Variants in CELF2 observed in about 807,000 individuals in gnomAD.
CELF2 encodes the protein CUGBP Elav-like family member 2.
CELF2 carries 8 observed loss-of-function variants against 62.6 expected under a neutral mutation model. The ratio of observed to expected loss-of-function variants is 0.13; its 90% confidence interval spans 0.07 to 0.23. CELF2 has a LOEUF of 0.23. Among genes scored for constraint, CELF2 ranks in the 10% least tolerant of loss-of-function variants. The pLI is 1.00. For synonymous variants in CELF2, 258 were observed against 250.0 expected, an observed-to-expected ratio of 1.03 and a Z score of -0.30; for missense variants, 333 against 671.0, an observed-to-expected ratio of 0.50 and a Z score of 5.56.
At chr10:10,861,589 G>A (rs1420142745) in intron 1 of CELF2, among the ~76,000 whole-genome samples, 1 of 152,092 alleles carries the variant, frequency 6.6e-6, no homozygotes, top group African/African-American at 2.4e-5. Context: ...TCCACCAGAG[G>A]AGTTAACTTC....
intron 2 of CELF2, among the ~76,000 whole-genome samples, chr10:11,197,379 A>G (rs763833358): frequency 2.0e-5 from 3 of 152,214 alleles, no homozygotes; most frequent in Non-Finnish European, 2.9e-5. Flanking sequence ...TGGCTTAAGT[A>G]GCATCCAGTT....
chr10:10,942,083 T>G (rs776221364), intron 2 of CELF2, among the ~76,000 whole-genome samples: 1 of 152,194 alleles, frequency 6.6e-6, no homozygotes, highest in Non-Finnish European at 1.5e-5. Flanking sequence ...CAACATAGTT[T>G]TCTGTCTTCA....
At chr10:11,230,327 G>A (rs1291478567) in intron 3 of CELF2, among the ~76,000 whole-genome samples, 1 of 152,092 alleles carries the variant, frequency 6.6e-6, no homozygotes, top group Non-Finnish European at 1.5e-5. Flanking sequence ...CTGAATCCTG[G>A]GTGACATGGA....
the CELF2 span, among the ~76,000 whole-genome samples, chr10:10,504,186 G>A: frequency 6.6e-6 from 1 of 152,012 alleles, no homozygotes; most frequent in African/African-American, 2.4e-5. Context: ...CCTTCCTGAT[G>A]TCCTGATGCT....
At chr10:10,515,580 A>C in the CELF2 span, among the ~76,000 whole-genome samples, 3 of 152,196 alleles carry the variant, frequency 2.0e-5, no homozygotes, top group African/African-American at 7.2e-5. Flanking sequence ...TCAGTGTCCC[A>C]CTGTGACTCA....
chr10:10,944,087 A>G (rs1023100806), intron 2 of CELF2: 2 of 152,564 alleles, frequency 1.3e-5, no homozygotes, highest in Non-Finnish European at 2.9e-5. Context: ...TGTGACTTTG[A>G]GCCTTGTAAG....
chr10:10,632,473 A>G, the CELF2 span, among the ~76,000 whole-genome samples: 3 of 152,234 alleles, frequency 2.0e-5, no homozygotes, highest in South Asian at 4.2e-4. Context: ...AAGCTTCTAC[A>G]TAAAAAAGGA....
At chr10:11,114,578 C>T (rs140352186) in intron 1 of CELF2, among the ~76,000 whole-genome samples, 1 of 152,138 alleles carries the variant, frequency 6.6e-6, no homozygotes, top group Non-Finnish European at 1.5e-5. Context: ...GTTGGAATAT[C>T]AATGCAGTCA....
the CELF2 span, among the ~76,000 whole-genome samples, chr10:10,577,464 T>C: frequency 6.6e-6 from 1 of 151,756 alleles, no homozygotes; most frequent in East Asian, 1.9e-4. Flanking sequence ...TGCCATTAAC[T>C]CATCATTTAG....
chr10:11,132,632 AG>A, intron 1 of CELF2, among the ~76,000 whole-genome samples: 2 of 152,278 alleles, frequency 1.3e-5, no homozygotes, highest in Middle Eastern at 3.4e-3. Flanking sequence ...AGCTCATTCA[AG>A]ACCTAATATC....
intron 5 of CELF2, among the ~76,000 whole-genome samples, chr10:11,261,993 C>T (rs868347440): frequency 1.3e-5 from 2 of 152,148 alleles, no homozygotes; most frequent in Non-Finnish European, 2.9e-5. Flanking sequence ...TTTTCTGCAC[C>T]GTGGCAGTTG....
At chr10:10,706,429 T>C in the CELF2 span, among the ~76,000 whole-genome samples, 1 of 152,184 alleles carries the variant, frequency 6.6e-6, no homozygotes, top group African/African-American at 2.4e-5. Context: ...CTGGCCTGAA[T>C]GTTCCTCCAG....
chr10:11,186,296 CT>C (rs57327671), intron 2 of CELF2, among the ~76,000 whole-genome samples: 14,285 of 115,416 alleles, frequency 0.12, 707 homozygotes, highest in African/African-American at 0.19. Context: ...GGTTTTGTTG[CT>C]TTTTTTTTTT....
At chr10:10,666,405 G>A in the CELF2 span, among the ~76,000 whole-genome samples, 8 of 152,156 alleles carry the variant, frequency 5.3e-5, no homozygotes, top group Non-Finnish European at 8.8e-5. Flanking sequence ...ACTTATTAAT[G>A]ATCTCAAGCA....
At chr10:10,541,469 G>C in the CELF2 span, among the ~76,000 whole-genome samples, 1 of 152,114 alleles carries the variant, frequency 6.6e-6, no homozygotes, top group Admixed American at 6.5e-5. Context: ...AGCCCCAAGG[G>C]CTCTTGGTTC....
chr10:10,610,044 C>G, the CELF2 span, among the ~76,000 whole-genome samples: 1 of 152,206 alleles, frequency 6.6e-6, no homozygotes, highest in Non-Finnish European at 1.5e-5. Context: ...GAAAATTGAT[C>G]TGGAACCTAT....
chr10:11,143,697 A>G (rs1226377570), intron 1 of CELF2, among the ~76,000 whole-genome samples: 1 of 152,230 alleles, frequency 6.6e-6, no homozygotes, highest in Non-Finnish European at 1.5e-5. Flanking sequence ...GCTATTTCAA[A>G]ATGGCTACCA....
At chr10:11,129,676 C>T (rs1056927707) in intron 1 of CELF2, among the ~76,000 whole-genome samples, 4 of 152,058 alleles carry the variant, frequency 2.6e-5, no homozygotes, top group South Asian at 2.1e-4. Context: ...GAGGTGTTTA[C>T]AGTATTCTCT....
intron 1 of CELF2, among the ~76,000 whole-genome samples, chr10:11,093,957 TAAC>T (rs1264641261): frequency 2.6e-5 from 4 of 152,244 alleles, no homozygotes; most frequent in African/African-American, 9.6e-5. Context: ...AGTAGCCACT[TAAC>T]AATTGGTTAC....
Sources: allele counts gnomAD v4.1 joint callset (sites outside exome capture counted in the v4.1 genomes callset), GRCh38; gene constraint gnomAD v4.1.1; transcripts MANE v1.5; gene names NCBI Gene and HGNC (gene_info 2026-07-23, HGNC 2026-07-21).